SEMA5A: variants seen among roughly 807,000 people sequenced by gnomAD.
The protein encoded by SEMA5A is semaphorin 5A.
SEMA5A carries 55 observed loss-of-function variants against 135.5 expected under a neutral mutation model. The ratio of observed to expected loss-of-function variants is 0.41; its 90% CI spans 0.33 to 0.51. SEMA5A has a LOEUF of 0.51. Ranked by LOEUF, SEMA5A falls within the 20% of genes least tolerant of loss-of-function variation. The probability of loss-of-function intolerance (pLI) is 0.37; values close to 1 mark genes in which losing one functional copy is unlikely to be tolerated. For missense variants in SEMA5A, 1,290 were observed against 1,419.9 expected (o/e 0.91, Z 1.47); for synonymous variants, 580 against 546.5 (o/e 1.06, Z -0.85).
rs117403459 is a variant in SEMA5A at position 9,255,390 on chromosome 5, C to G, written c.271-17500G>C. ...ATGGGTATGATTAAGGATGAGGACC[C>G]TCATGTGAAATAGCTTTGTTGAGCG... On this transcript the variant is annotated intron_variant, in intron 5 of 22. Transcript: ENST00000382496. Among the ~76,000 whole-genome samples, 82 of 152,260 alleles carry G rather than the reference C, an allele frequency of 5.4e-4. No homozygotes were observed. The East Asian group carries it at 0.015, about 29-fold the overall frequency.
In SEMA5A at chr5:9,042,989, C is replaced by T; in HGVS notation, c.3133G>A (p.Glu1045Lys). ...KAFNKNNLIL[E>K]ERNKYFNPHL... ...GGGTTGAAGTATTTGTTTCTTTCCT[C>T]TAGGATCAAGTTGTTTTTGTTAAAT... Residue 1045 changes from glutamate to lysine, a missense_variant, in exon 23 of 23, where the codon GAG becomes AAG. By Grantham distance (56) the Glu-to-Lys change is moderately conservative. This residue lies in a region of SEMA5A where 1,029 missense variants were observed against 1,086.6 expected (regional missense o/e 0.95). Transcript: ENST00000382496. The T allele has an allele frequency of 6.2e-7, 1 of 1,611,390 alleles. No homozygotes were observed. The highest frequency in any genetic ancestry group is 1.3e-5 in the African/African-American group (1 of 74,446).
At chr5:9,181,606 T>A (rs1214782404) in intron 11 of SEMA5A, among the ~76,000 whole-genome samples, 4 of 152,058 alleles carry the variant, frequency 2.6e-5, no homozygotes, top group Non-Finnish European at 4.4e-5. Context: ...CTCAGCCAAG[T>A]CCTCTCCTTC....
chr5:9,285,484 A>G lies in SEMA5A; in HGVS notation c.270+32888T>C, dbSNP rs181594587. On this transcript the variant is annotated intron_variant, in intron 5 of 22. Transcript: ENST00000382496. ...TGACAAGAAACTCTTTAGTCTCTCA[A>G]CATACTAACATACAAATTAAACACA... Among the ~76,000 whole-genome samples the G allele has an allele frequency of 1.3e-3, 191 of 152,342 alleles. 3 individuals are homozygous for G. The South Asian group carries it at 0.039, about 31-fold the overall frequency.
intron 16 of SEMA5A, among the ~76,000 whole-genome samples, chr5:9,085,222 T>C (rs1202341491): frequency 6.6e-6 from 1 of 152,198 alleles, no homozygotes; most frequent in Non-Finnish European, 1.5e-5. Flanking sequence ...TCCCATTTTC[T>C]GAGGAGAAAT....
chr5:9,211,880 G>C (rs548129350), intron 8 of SEMA5A, among the ~76,000 whole-genome samples: 1 of 152,174 alleles, frequency 6.6e-6, no homozygotes, highest in Non-Finnish European at 1.5e-5. Flanking sequence ...AAATGATACA[G>C]TTGAAAAGAC....
chr5:9,346,686 G>C (rs889864524), intron 3 of SEMA5A, among the ~76,000 whole-genome samples: 1 of 152,174 alleles, frequency 6.6e-6, no homozygotes, highest in East Asian at 1.9e-4. Context: ...CCCTGCTAGT[G>C]CCAAAGTGGC....
At chr5:9,497,203 A>C (rs530902825) in intron 1 of SEMA5A, among the ~76,000 whole-genome samples, 1 of 152,356 alleles carries the variant, frequency 6.6e-6, no homozygotes, top group South Asian at 2.1e-4. Context: ...GCTGATGATC[A>C]ATGATGAGCT....
chr5:9,051,525 C>T (rs750416626), intron 20 of SEMA5A, among the ~76,000 whole-genome samples: 11 of 152,098 alleles, frequency 7.2e-5, no homozygotes, highest in Non-Finnish European at 1.0e-4. Flanking sequence ...GCATACACAG[C>T]GAGCACTGCC....
intron 1 of SEMA5A, among the ~76,000 whole-genome samples, chr5:9,474,502 G>A (rs1554039866): frequency 6.7e-6 from 1 of 149,334 alleles, no homozygotes. Flanking sequence ...AAAAAAAATA[G>A]GGCATTCTGG....
chr5:9,360,924 C>A (rs935829385), intron 3 of SEMA5A, among the ~76,000 whole-genome samples: 2 of 152,088 alleles, frequency 1.3e-5, no homozygotes, highest in African/African-American at 4.8e-5. Context: ...GGATTAAAAA[C>A]ATAGTCATTC....
chr5:9,476,284 T>C (rs1759664128), intron 1 of SEMA5A, among the ~76,000 whole-genome samples: 1 of 152,142 alleles, frequency 6.6e-6, no homozygotes, highest in South Asian at 2.1e-4. Flanking sequence ...GATCAATTAA[T>C]GTTGATAGAA....
intron 16 of SEMA5A, among the ~76,000 whole-genome samples, chr5:9,080,985 A>G (rs750556355): frequency 3.3e-5 from 5 of 152,188 alleles, no homozygotes; most frequent in Non-Finnish European, 5.9e-5. Context: ...TCAGGTTACA[A>G]TAATCCACAA....
intron 1 of SEMA5A, among the ~76,000 whole-genome samples, chr5:9,456,093 G>A (rs1279375047): frequency 6.6e-6 from 1 of 152,206 alleles, no homozygotes; most frequent in East Asian, 1.9e-4. Flanking sequence ...AGAGAGGCCT[G>A]CAGCTACAGG....
intron 13 of SEMA5A, among the ~76,000 whole-genome samples, chr5:9,131,169 G>C (rs1215946120): frequency 2.0e-5 from 3 of 152,116 alleles, no homozygotes; most frequent in Non-Finnish European, 4.4e-5. Flanking sequence ...GGTTTATTTT[G>C]GTCACAGTTT....
Position 9,318,372 on chromosome 5 carries a change from C to G in SEMA5A, c.270G>C (p.Gln90His). The change falls in exon 5 of 23, where the codon CAG becomes CAC. Residue 90 changes from glutamine to histidine, a missense_variant and splice_region_variant. Around this residue, in one of 3 missense-constraint regions of SEMA5A, gnomAD observed 116 missense variants for 121.3 expected, o/e 0.96. Transcript: ENST00000382496. ...RLQLEDLSLIQAVEWECDEAT... is the reference protein window; with the variant it reads ...RLQLEDLSLIHAVEWECDEAT... ...CTTGAGAAAAATAAATTGCACCTACCTGGATAAGAGACAGATCCTCAAGCT... is the reference window on the plus strand; with the variant it reads ...CTTGAGAAAAATAAATTGCACCTACGTGGATAAGAGACAGATCCTCAAGCT... The G allele has an allele frequency of 1.2e-6, 2 of 1,611,474 alleles. No individual in the cohort carries two copies. The highest frequency in any genetic ancestry group is 1.7e-6 in the Non-Finnish European group (2 of 1,178,896).
intron 12 of SEMA5A, among the ~76,000 whole-genome samples, chr5:9,147,877 G>A (rs1433042590): frequency 2.6e-5 from 4 of 152,318 alleles, no homozygotes; most frequent in African/African-American, 9.6e-5. Context: ...AGATAAGGGA[G>A]AGGCAGAATG....
intron 1 of SEMA5A, among the ~76,000 whole-genome samples, chr5:9,443,624 C>T (rs1254958174): frequency 1.3e-5 from 2 of 152,316 alleles, no homozygotes; most frequent in Non-Finnish European, 2.9e-5. Context: ...CACATAGTTA[C>T]ATTTTTTGAG....
chr5:9,493,534 T>C (rs1735146150), intron 1 of SEMA5A, among the ~76,000 whole-genome samples: 1 of 152,162 alleles, frequency 6.6e-6, no homozygotes, highest in Non-Finnish European at 1.5e-5. Context: ...TTTCTGTTTA[T>C]AAAACAGAAT....
At chr5:9,164,386 A>T (rs1743492609) in intron 11 of SEMA5A, among the ~76,000 whole-genome samples, 1 of 149,420 alleles carries the variant, frequency 6.7e-6, no homozygotes, top group East Asian at 1.9e-4. Flanking sequence ...CAATTTAAAA[A>T]CTAGATTATA....
Sources: gnomAD v4.1 joint callset for allele counts (sites outside exome capture counted in the v4.1 genomes callset) on GRCh38, gnomAD v4.1.1 for gene constraint, gnomAD v4.1.1 regional missense constraint, MANE v1.5 for transcripts, NCBI Gene and HGNC (gene_info 2026-07-23, HGNC 2026-07-21) for gene names.